Variants in DNAJC15 observed in about 807,000 individuals in gnomAD.
DNAJC15 encodes the protein DnaJ heat shock protein family (Hsp40) member C15.
In DNAJC15, 27 loss-of-function variants were observed where a neutral mutation model predicts 22.4. The observed-to-expected ratio is 1.20, with a 90% CI of 0.89 to 1.66. The LOEUF (loss-of-function observed/expected upper bound fraction) is 1.66. Ranked by LOEUF, DNAJC15 falls within the 40% of genes most tolerant of loss-of-function variation. The probability of loss-of-function intolerance (pLI) is 0.00; values close to 1 mark genes in which losing one functional copy is unlikely to be tolerated. For synonymous variants in DNAJC15, 79 were observed against 63.2 expected, an observed-to-expected ratio of 1.25 and a Z score of -1.19; for missense variants, 208 against 187.1, an observed-to-expected ratio of 1.11 and a Z score of -0.65.
At chr13:43,062,115 A>G (rs1321925687) in intron 1 of DNAJC15, among the ~76,000 whole-genome samples, 2 of 152,038 alleles carry the variant, frequency 1.3e-5, no homozygotes, top group Admixed American at 6.5e-5. Context: ...AGGTGTGACC[A>G]TGGTTTAAGA....
chr13:43,056,125 T>C (rs1470673563), intron 1 of DNAJC15, among the ~76,000 whole-genome samples: 1 of 152,068 alleles, frequency 6.6e-6, no homozygotes, highest in Non-Finnish European at 1.5e-5. Flanking sequence ...ATTTTGATTT[T>C]CTTAAATTTA....
rs1160445172 is a variant in DNAJC15 at position 43,113,602 on chromosome 13, C to T, written c.*6354C>T. 6.6e-6 allele frequency: 1 copy of T among 152,154 alleles called. No individual in the cohort carries two copies. The highest frequency in any genetic ancestry group is 2.4e-5 in the African/African-American group (1 of 41,416). 9.4% of individuals were successfully genotyped at this position (152,154 alleles called of 1,614,324 possible). On this transcript the variant is annotated 3_prime_UTR_variant, in exon 6 of 6. Transcript: ENST00000379221. ...AATATTCATAACAGACTTGTGAGTT[C>T]CTTGAACATGGATACACCTATATGC...
intron 1 of DNAJC15, among the ~76,000 whole-genome samples, chr13:43,059,376 CT>C (rs1193057718): frequency 6.6e-6 from 1 of 152,040 alleles, no homozygotes; most frequent in Non-Finnish European, 1.5e-5. Flanking sequence ...ATTTCTTCTT[CT>C]CTTTCTTTTT....
intron 1 of DNAJC15, among the ~76,000 whole-genome samples, chr13:43,044,544 C>T (rs1307748912): frequency 6.6e-6 from 1 of 152,074 alleles, no homozygotes; most frequent in Non-Finnish European, 1.5e-5. Context: ...AACCTTGACT[C>T]TTCTCTTTTC....
chr13:43,050,771 AT>A (rs1181629280), intron 1 of DNAJC15, among the ~76,000 whole-genome samples: 1 of 152,162 alleles, frequency 6.6e-6, no homozygotes, highest in African/African-American at 2.4e-5. Flanking sequence ...GATTTAAAAA[AT>A]TTTTTTAGCC....
intron 5 of DNAJC15, among the ~76,000 whole-genome samples, chr13:43,097,076 G>A (rs1277506062): frequency 2.0e-5 from 3 of 152,178 alleles, no homozygotes; most frequent in Non-Finnish European, 4.4e-5. Context: ...ATGCAGAAAA[G>A]GCTGATATAA....
At chr13:43,092,482 A>G (rs184331698) in intron 5 of DNAJC15, among the ~76,000 whole-genome samples, 15 of 147,608 alleles carry the variant, frequency 1.0e-4, no homozygotes, top group Non-Finnish European at 9.1e-5. Flanking sequence ...GTATTTGAAT[A>G]TATACATATA....
chr13:43,026,165 C>G (rs1403249456), intron 1 of DNAJC15, among the ~76,000 whole-genome samples: 1 of 152,150 alleles, frequency 6.6e-6, no homozygotes, highest in African/African-American at 2.4e-5. Flanking sequence ...AAAACTTGAA[C>G]AAAACAGTGG....
intron 3 of DNAJC15, among the ~76,000 whole-genome samples, chr13:43,072,332 T>G (rs1207242323): frequency 6.6e-6 from 1 of 152,168 alleles, no homozygotes; most frequent in East Asian, 1.9e-4. Flanking sequence ...CTTTTATTAT[T>G]TCTTCCTTTC....
At chr13:43,079,072 G>T (rs891128718) in intron 4 of DNAJC15, among the ~76,000 whole-genome samples, 2 of 152,000 alleles carry the variant, frequency 1.3e-5, no homozygotes, top group Non-Finnish European at 2.9e-5. Flanking sequence ...TGCTTCTGCA[G>T]TGTGACATCA....
chr13:43,059,521 T>C (rs1239115565), intron 1 of DNAJC15, among the ~76,000 whole-genome samples: 1 of 152,192 alleles, frequency 6.6e-6, no homozygotes. Context: ...TGCGCCACCA[T>C]GCCTGGCTAA....
At chr13:43,074,961 T>C (rs2040626661) in intron 3 of DNAJC15, among the ~76,000 whole-genome samples, 1 of 152,184 alleles carries the variant, frequency 6.6e-6, no homozygotes, top group Admixed American at 6.5e-5. Context: ...AGGCCAACTT[T>C]TTGTATCTGT....
At position 43,023,732 on chromosome 13, in the gene DNAJC15, C is replaced by G. The variant is rs1193282648; in HGVS notation, c.106C>G (p.Leu36Val). The change falls in exon 1 of 6, where the codon CTG becomes GTG. Residue 36 changes from leucine to valine, a missense_variant and splice_region_variant. Leu to Val is a conservative substitution (Grantham distance 32, BLOSUM62 1). Coordinates refer to ENST00000379221, the MANE Select transcript of DNAJC15 (RefSeq NM_013238.3). ...AGACGCCGACGTCGACCAGCAGAGA[C>G]TGGTGAGTCCTGCCAGCGGCCCCCA... ...RPDADVDQQR[L>V]VRSLIAVGLG... is the part of the protein sequence containing the mutation. The G allele has an allele frequency of 2.5e-6, 4 of 1,605,658 alleles. No individual in the cohort carries two copies.
chr13:43,103,039 C>T (rs2040777607), intron 5 of DNAJC15, among the ~76,000 whole-genome samples: 1 of 152,110 alleles, frequency 6.6e-6, no homozygotes. Flanking sequence ...TTATCTTTTA[C>T]ATTTTTATGT....
At chr13:43,030,654 T>C (rs927685184) in intron 1 of DNAJC15, among the ~76,000 whole-genome samples, 8 of 152,330 alleles carry the variant, frequency 5.3e-5, no homozygotes, top group African/African-American at 1.9e-4. Flanking sequence ...CTAAGTGCTA[T>C]AGTGGATACA....
At chr13:43,103,218 A>G (rs566415782) in intron 5 of DNAJC15, among the ~76,000 whole-genome samples, 51 of 152,146 alleles carry the variant, frequency 3.4e-4, no homozygotes, top group South Asian at 1.0e-3. Context: ...TAATTCTACT[A>G]TGGTCAGCTA....
At chr13:43,087,786 G>A (rs1009467222) in intron 5 of DNAJC15, among the ~76,000 whole-genome samples, 2 of 152,176 alleles carry the variant, frequency 1.3e-5, no homozygotes, top group African/African-American at 4.8e-5. Flanking sequence ...ATTATCAGCT[G>A]TGCAAAGAAA....
chr13:43,095,025 A>G (rs2040732980), intron 5 of DNAJC15, among the ~76,000 whole-genome samples: 1 of 152,118 alleles, frequency 6.6e-6, no homozygotes, highest in Non-Finnish European at 1.5e-5. Flanking sequence ...TCATTTTTGT[A>G]GTGAGTTTTG....
chr13:43,068,952 G>A lies in DNAJC15; in HGVS notation c.183G>A (p.Trp61Ter), dbSNP rs116641501. The change falls in exon 3 of 6, where the codon TGG (tryptophan) becomes TGA (stop). Residue 61 changes from tryptophan to a stop codon, truncating the protein, a stop_gained. Coordinates refer to ENST00000379221, the MANE Select transcript of DNAJC15 (RefSeq NM_013238.3). LOFTEE classifies it high-confidence loss of function. Reference protein sequence around the residue: ...AFAGRYAFRIWKPLEQVITET... With the variant: ...AFAGRYAFRI ...TAGGTCGCTACGCATTTCGGATCTG[G>A]AAACCTCTAGAACAAGTTATCACAG... 7.4e-6 allele frequency: 12 copies of A among 1,612,424 alleles called. No individual in the cohort carries two copies. Among genetic ancestry groups the A allele is most frequent in the Non-Finnish European group, 1.0e-5 (12 of 1,179,246 alleles).
Sources: allele counts gnomAD v4.1 joint callset (sites outside exome capture counted in the v4.1 genomes callset), GRCh38; gene constraint gnomAD v4.1.1; transcripts MANE v1.5; gene names NCBI Gene and HGNC (gene_info 2026-07-23, HGNC 2026-07-21).